The following GALNTL6 variants were observed in gnomAD, a reference collection of about 807,000 sequenced individuals.
GALNTL6 encodes polypeptide N-acetylgalactosaminyltransferase-like 6.
In GALNTL6, 46 loss-of-function variants were observed where a neutral mutation model predicts 73.7. The ratio of observed to expected loss-of-function variants is 0.62; its 90% CI spans 0.49 to 0.80. The LOEUF is 0.80. Ranked by LOEUF, GALNTL6 falls within the 30% of genes least tolerant of loss-of-function variation. GALNTL6 has a pLI of 0.00. For missense variants in GALNTL6, 604 were observed against 755.0 expected (o/e 0.80, Z 2.34); for synonymous variants, 259 against 263.7 (o/e 0.98, Z 0.17).
intron 5 of GALNTL6, among the ~76,000 whole-genome samples, chr4:172,523,956 G>C (rs570707273): frequency 6.6e-6 from 1 of 152,076 alleles, no homozygotes; most frequent in Non-Finnish European, 1.5e-5. Flanking sequence ...TTAGTGCTTC[G>C]AAGGCCCTCT....
intron 5 of GALNTL6, among the ~76,000 whole-genome samples, chr4:172,590,125 G>GTCACTCTC (rs1453887622): frequency 1.3e-5 from 2 of 152,130 alleles, no homozygotes. Context: ...TTCACCTCAA[G>GTCACTCTC]TCACTCTCCT....
chr4:172,943,914 G>A (rs557156149), intron 9 of GALNTL6, among the ~76,000 whole-genome samples: 1 of 152,242 alleles, frequency 6.6e-6, no homozygotes, highest in East Asian at 1.9e-4. Context: ...AACAATTGAT[G>A]CTAGAACAAT....
intron 2 of GALNTL6, among the ~76,000 whole-genome samples, chr4:171,876,928 C>T (rs1736296112): frequency 6.6e-6 from 1 of 152,190 alleles, no homozygotes; most frequent in African/African-American, 2.4e-5. Flanking sequence ...GTCTCTTACA[C>T]TTCACAGTTG....
At chr4:172,791,390 T>C (rs1228660628) in intron 5 of GALNTL6, among the ~76,000 whole-genome samples, 2 of 152,174 alleles carry the variant, frequency 1.3e-5, no homozygotes, top group Non-Finnish European at 2.9e-5. Flanking sequence ...AACCAGTACA[T>C]TGATAAACAA....
chr4:172,351,181 GTCTATCTATCTA>G (rs56948823), intron 5 of GALNTL6, among the ~76,000 whole-genome samples: 70 of 122,606 alleles, frequency 5.7e-4, no homozygotes, highest in African/African-American at 8.0e-4. Context: ...ACAATAATCT[GTCTATCTATCTA>G]TCTATCTATC....
intron 7 of GALNTL6, among the ~76,000 whole-genome samples, chr4:172,835,076 T>A (rs1742835955): frequency 6.6e-6 from 1 of 152,148 alleles, no homozygotes; most frequent in Non-Finnish European, 1.5e-5. Flanking sequence ...ACCAAAAGTG[T>A]TTGAAAGCAG....
At position 172,833,307 on chromosome 4, in the gene GALNTL6, G is replaced by A. The variant is rs148711873; in HGVS notation, c.923+19584G>A. On this transcript the variant is annotated intron_variant, in intron 7 of 12. Coordinates refer to ENST00000506823, the MANE Select transcript of GALNTL6 (RefSeq NM_001034845.3). ...TATGTTGATAGTTTGTAGAAAAACT[G>A]CAATTTAAGGGAGAAATGATAACCA... is the stretch of plus-strand genomic sequence containing the variant. Among the ~76,000 whole-genome samples, 92 of 152,270 alleles carry A rather than the reference G, an allele frequency of 6.0e-4. 1 individual carries two copies. In the East Asian group the frequency reaches 0.015, roughly 25 times the overall value.
At chr4:172,634,157 T>C (rs1166461968) in intron 5 of GALNTL6, among the ~76,000 whole-genome samples, 1 of 152,218 alleles carries the variant, frequency 6.6e-6, no homozygotes, top group African/African-American at 2.4e-5. Flanking sequence ...AAGTGTCTAT[T>C]CTCTGTATTT....
At chr4:171,952,790 A>G (rs1033363849) in intron 2 of GALNTL6, among the ~76,000 whole-genome samples, 3 of 152,102 alleles carry the variant, frequency 2.0e-5, no homozygotes, top group Non-Finnish European at 2.9e-5. Flanking sequence ...GATATGCACT[A>G]TAATCACTTT....
At chr4:172,872,548 C>A (rs377189298) in intron 7 of GALNTL6, among the ~76,000 whole-genome samples, 2 of 152,070 alleles carry the variant, frequency 1.3e-5, no homozygotes, top group East Asian at 3.9e-4. Context: ...AAGAAAAATG[C>A]AGAAATATCC....
intron 2 of GALNTL6, among the ~76,000 whole-genome samples, chr4:171,946,482 C>A (rs532942828): frequency 4.6e-5 from 7 of 152,224 alleles, no homozygotes; most frequent in Admixed American, 4.6e-4. Flanking sequence ...GACATAAACC[C>A]CTTGGTGGAT....
intron 2 of GALNTL6, among the ~76,000 whole-genome samples, chr4:171,846,954 TTATA>T: frequency 6.9e-6 from 1 of 145,716 alleles, no homozygotes; most frequent in Non-Finnish European, 1.5e-5. Flanking sequence ...TTATATGTAA[TTATA>T]TATGAATATA....
intron 5 of GALNTL6, among the ~76,000 whole-genome samples, chr4:172,750,703 T>G (rs958881999): frequency 1.3e-5 from 2 of 152,236 alleles, no homozygotes; most frequent in African/African-American, 4.8e-5. Context: ...ATAGACATTG[T>G]TATAATTTTG....
At chr4:172,099,514 A>G (rs1732452552) in intron 2 of GALNTL6, among the ~76,000 whole-genome samples, 1 of 152,122 alleles carries the variant, frequency 6.6e-6, no homozygotes, top group Admixed American at 6.6e-5. Context: ...CCCTTTTCCA[A>G]CAAAGACCAG....
chr4:172,515,259 T>C (rs900215303), intron 5 of GALNTL6, among the ~76,000 whole-genome samples: 7 of 152,238 alleles, frequency 4.6e-5, no homozygotes, highest in Middle Eastern at 3.2e-3. Context: ...ATGGTTCATG[T>C]AGGGATTTAA....
chr4:172,783,926 A>C (rs1226093390), intron 5 of GALNTL6, among the ~76,000 whole-genome samples: 2 of 152,126 alleles, frequency 1.3e-5, no homozygotes, highest in Admixed American at 6.6e-5. Context: ...TACCACAGAA[A>C]AGTTAGAAGC....
chr4:172,056,315 G>A lies in GALNTL6; in HGVS notation c.139-173341G>A, dbSNP rs112829182. ...TCAGGGGAAGCCTTGAGGATATTAT[G>A]TAAATAGTTGTGTAGCATTCTTTCG... On this transcript the variant is annotated intron_variant, in intron 2 of 12. Coordinates refer to ENST00000506823, the MANE Select transcript of GALNTL6 (RefSeq NM_001034845.3). Among the ~76,000 whole-genome samples the A allele has an allele frequency of 7.0e-3, 1,061 of 152,216 alleles. 6 individuals are homozygous for A. The highest frequency in any genetic ancestry group is 0.019 in the African/African-American group (781 of 41,540).
intron 2 of GALNTL6, among the ~76,000 whole-genome samples, chr4:171,923,556 C>T (rs1050870744): frequency 1.8e-5 from 2 of 111,992 alleles, no homozygotes; most frequent in Non-Finnish European, 3.6e-5. Flanking sequence ...CGGCACCACT[C>T]CCGGCTAATT....
intron 5 of GALNTL6, among the ~76,000 whole-genome samples, chr4:172,748,211 G>A (rs991117887): frequency 3.3e-5 from 5 of 152,124 alleles, no homozygotes; most frequent in African/African-American, 1.2e-4. Context: ...GTTCAGGGAT[G>A]AGGGTGGACG....
Sources: gnomAD v4.1 joint callset for allele counts (sites outside exome capture counted in the v4.1 genomes callset) on GRCh38, gnomAD v4.1.1 for gene constraint, MANE v1.5 for transcripts, NCBI Gene and HGNC (gene_info 2026-07-23, HGNC 2026-07-21) for gene names.